The following NUTF2 variants were observed in gnomAD, a reference collection of about 807,000 sequenced individuals.
NUTF2 encodes the protein placental protein 15.
Under a neutral mutation model 18.5 loss-of-function variants are expected in NUTF2, and 3 were observed. That is an observed-to-expected ratio of 0.16 (90% CI 0.07 to 0.42). The LOEUF is 0.42. NUTF2 is among the 10% of genes least tolerant of loss of function. NUTF2 has a pLI of 0.99. For synonymous variants in NUTF2, 51 were observed against 57.9 expected, an observed-to-expected ratio of 0.88 and a Z score of 0.54; for missense variants, 44 against 160.7, an observed-to-expected ratio of 0.27 and a Z score of 3.93.
intron 2 of NUTF2, among the ~76,000 whole-genome samples, chr16:67,867,949 G>C (rs1009252825): frequency 3.3e-5 from 5 of 152,092 alleles, no homozygotes; most frequent in African/African-American, 1.2e-4. Context: ...GCTTCCCAAA[G>C]TTCTGGGATT....
chr16:67,847,600 G>A (rs1182816692), intron 1 of NUTF2: 1 of 152,474 alleles, frequency 6.6e-6, no homozygotes, highest in East Asian at 1.9e-4. Flanking sequence ...GTGGAGCCCG[G>A]ACTGGAGTTC....
chr16:67,858,087 A>G (rs1158865699), intron 1 of NUTF2, among the ~76,000 whole-genome samples: 1 of 152,232 alleles, frequency 6.6e-6, no homozygotes, highest in African/African-American at 2.4e-5. Context: ...AACAAATACC[A>G]AACTGTGACA....
intron 2 of NUTF2, among the ~76,000 whole-genome samples, chr16:67,867,034 C>A (rs534280736): frequency 6.6e-6 from 1 of 151,446 alleles, no homozygotes; most frequent in African/African-American, 2.4e-5. Flanking sequence ...TGCATTCATG[C>A]GATTTTGGCT....
At chr16:67,869,781 G>A (rs1041212205) in intron 4 of NUTF2, among the ~76,000 whole-genome samples, 1 of 152,164 alleles carries the variant, frequency 6.6e-6, no homozygotes, top group African/African-American at 2.4e-5. Flanking sequence ...GTGAAACTCT[G>A]TCTCTAAATA....
chr16:67,853,731 T>G (rs549696305), intron 1 of NUTF2, among the ~76,000 whole-genome samples: 3 of 151,850 alleles, frequency 2.0e-5, no homozygotes, highest in African/African-American at 7.2e-5. Context: ...AGGCTGGTCT[T>G]GAACTCTGGG....
At position 67,868,422 on chromosome 16, in the gene NUTF2, A is replaced by G. The variant is rs1239358483; in HGVS notation, c.171+11A>G. ...GTGGAGAAGTTGTCTGTAAGTAGGG[A>G]AGAAAGCCAGGGTGCAGGTGGCTCC... On this transcript the variant is annotated intron_variant, in intron 3 of 4. Coordinates refer to ENST00000219169, the MANE Select transcript of NUTF2 (RefSeq NM_005796.3). The G allele has an allele frequency of 6.2e-7, 1 of 1,613,980 alleles. No individual in the cohort carries two copies. The highest frequency in any genetic ancestry group is 8.5e-7 in the Non-Finnish European group (1 of 1,180,002).
At chr16:67,860,923 T>G (rs2151298193) in intron 1 of NUTF2, among the ~76,000 whole-genome samples, 1 of 152,356 alleles carries the variant, frequency 6.6e-6, no homozygotes, top group East Asian at 1.9e-4. Flanking sequence ...GACATCATCC[T>G]CCATGAAAAC....
rs534926784 is a variant in NUTF2, at chr16:67,865,308, T to C, written c.99+79T>C. 6.2e-5 allele frequency: 63 copies of C among 1,015,880 alleles called. 1 individual carries two copies. The South Asian group carries it at 8.3e-4, about 13-fold the overall frequency. 62.9% of individuals were successfully genotyped at this position (1,015,880 alleles called of 1,614,324 possible). A position where few individuals can be genotyped will look rare whatever the true frequency, so the allele number is the denominator to read the frequency against. On this transcript the variant is annotated intron_variant, in intron 2 of 4. Coordinates refer to ENST00000219169, the MANE Select transcript of NUTF2 (RefSeq NM_005796.3). ...TGGGCCAGTGTGTCCAGTTCACAAG[T>C]TCTGGCAGCCCTATCTGGACTGGCT...
chr16:67,868,674 A>C (rs1378686690), intron 4 of NUTF2, 75 bp downstream of exon 4: 2 of 1,347,210 alleles, frequency 1.5e-6, no homozygotes, highest in Admixed American at 3.4e-5. Flanking sequence ...TTCCCTGTGG[A>C]TGTGACCTGC....
intron 1 of NUTF2, among the ~76,000 whole-genome samples, chr16:67,857,280 G>A (rs902931228): frequency 2.6e-5 from 4 of 152,218 alleles, no homozygotes; most frequent in Non-Finnish European, 5.9e-5. Flanking sequence ...GCAGAGACCA[G>A]AATGCAGGTC....
Position 67,855,892 on chromosome 16 carries a change from G to GC in NUTF2, c.-30+8907_-30+8908insC, listed in dbSNP as rs200141603. 205 of 441,806 alleles carry GC rather than the reference G, an allele frequency of 4.6e-4. 3 individuals carry two copies. Among genetic ancestry groups the GC allele is most frequent in the African/African-American group, 3.9e-3 (179 of 46,466 alleles). 27.4% of individuals were successfully genotyped at this position (441,806 alleles called of 1,614,324 possible). ...GCCACCCGATTTTTTTTTGGCGGGG[G>GC]GGGGGGATGGGGGAAATGAGAATAA... On this transcript the variant is annotated intron_variant, in intron 1 of 4. Transcript: ENST00000219169.
At chr16:67,866,712 C>T (rs927381123) in intron 2 of NUTF2, among the ~76,000 whole-genome samples, 2 of 152,098 alleles carry the variant, frequency 1.3e-5, no homozygotes, top group Admixed American at 1.3e-4. Flanking sequence ...GGTGATTTGC[C>T]TGCCTCAGCT....
chr16:67,861,034 G>C (rs1217499690), intron 1 of NUTF2, among the ~76,000 whole-genome samples: 1 of 152,212 alleles, frequency 6.6e-6, no homozygotes, highest in African/African-American at 2.4e-5. Flanking sequence ...CCCTTTCTGA[G>C]AGAGCCAGGC....
chr16:67,861,921 G>A (rs148929320), intron 1 of NUTF2, among the ~76,000 whole-genome samples: 41 of 152,200 alleles, frequency 2.7e-4, no homozygotes, highest in South Asian at 2.1e-4. Flanking sequence ...TCTTTTTTTG[G>A]ACTCAAGAGT....
chr16:67,849,689 C>T (rs1328157082), intron 1 of NUTF2, among the ~76,000 whole-genome samples: 2 of 151,256 alleles, frequency 1.3e-5, no homozygotes, highest in African/African-American at 4.9e-5. Flanking sequence ...GACGGAGTCT[C>T]ACTCTGTCAC....
At chr16:67,848,088 C>T (rs1399370969) in intron 1 of NUTF2, among the ~76,000 whole-genome samples, 1 of 152,218 alleles carries the variant, frequency 6.6e-6, no homozygotes, top group Non-Finnish European at 1.5e-5. Context: ...ATTGCCCTTA[C>T]TGATGCCATC....
At chr16:67,848,798 T>C (rs2057829632) in intron 1 of NUTF2, among the ~76,000 whole-genome samples, 1 of 151,680 alleles carries the variant, frequency 6.6e-6, no homozygotes, top group Non-Finnish European at 1.5e-5. Context: ...TCTGCAGCTC[T>C]GGCCTCAGGA....
chr16:67,858,843 G>C (rs2057915283), intron 1 of NUTF2, among the ~76,000 whole-genome samples: 1 of 151,686 alleles, frequency 6.6e-6, no homozygotes, highest in Admixed American at 6.6e-5. Context: ...GTGTCTTCCT[G>C]TCTGGTTGCT....
intron 1 of NUTF2, among the ~76,000 whole-genome samples, chr16:67,849,295 A>G (rs1036684840): frequency 6.6e-6 from 1 of 152,240 alleles, no homozygotes; most frequent in South Asian, 2.1e-4. Context: ...GCTTACGGCT[A>G]TGGCGTAGTT....
Sources: allele counts gnomAD v4.1 joint callset (sites outside exome capture counted in the v4.1 genomes callset), GRCh38; gene constraint gnomAD v4.1.1; transcripts MANE v1.5; gene names NCBI Gene and HGNC (gene_info 2026-07-23, HGNC 2026-07-21).